Variants in CCDC102B observed in about 807,000 individuals in gnomAD.
The protein encoded by CCDC102B is coiled-coil domain-containing protein 102B.
Under a neutral mutation model 57.4 loss-of-function variants are expected in CCDC102B, and 75 were observed. The observed-to-expected ratio is 1.31, with a 90% CI of 1.08 to 1.58. CCDC102B has a LOEUF of 1.58. CCDC102B is among the 40% of genes most tolerant of loss of function. The pLI, the probability that CCDC102B is intolerant of heterozygous loss-of-function variation, is 0.00. For synonymous variants in CCDC102B, 206 were observed against 201.9 expected (o/e 1.02, Z -0.17); for missense variants, 636 against 582.6 (o/e 1.09, Z -0.94).
At chr18:68,766,931 T>C (rs1212080085) in intron 2 of CCDC102B, among the ~76,000 whole-genome samples, 1 of 152,210 alleles carries the variant, frequency 6.6e-6, no homozygotes, top group Non-Finnish European at 1.5e-5. Flanking sequence ...ATAACACTGA[T>C]TGAAGAGGCA....
At chr18:69,050,692 A>G (rs1172544815) in intron 7 of CCDC102B, among the ~76,000 whole-genome samples, 5 of 152,190 alleles carry the variant, frequency 3.3e-5, no homozygotes, top group Admixed American at 3.3e-4. Flanking sequence ...CTCTGTGGAT[A>G]TGAAACTTGC....
At position 68,921,926 on chromosome 18, in the gene CCDC102B, A is replaced by G. The variant is rs898860719; in HGVS notation, c.1263+24498A>G. On this transcript the variant is annotated intron_variant, in intron 6 of 7. Transcript: ENST00000360242. The stretch of plus-strand genomic sequence containing the variant: ...ATAATTTGTTACAGCAACAACTAAC[A>G]CAACACCACTACTCTTGGGACTTGG... 3.3e-5 allele frequency among the ~76,000 whole-genome samples: 5 copies of G among 152,326 alleles called. No individual in the cohort carries two copies. In the East Asian group the frequency reaches 9.7e-4, roughly 29 times the overall value.
At chr18:68,843,850 A>G (rs1436172379) in intron 3 of CCDC102B, among the ~76,000 whole-genome samples, 4 of 152,026 alleles carry the variant, frequency 2.6e-5, no homozygotes, top group Non-Finnish European at 5.9e-5. Context: ...AACACAGAAT[A>G]AAATGATTAG....
chr18:68,918,999 A>C (rs986464129), intron 6 of CCDC102B, among the ~76,000 whole-genome samples: 1 of 149,746 alleles, frequency 6.7e-6, no homozygotes, highest in African/African-American at 2.4e-5. Flanking sequence ...ACATTATCAC[A>C]TCTATGTGCA....
At chr18:68,819,025 C>T (rs549434531) in intron 1 of CCDC102B, among the ~76,000 whole-genome samples, 1 of 152,026 alleles carries the variant, frequency 6.6e-6, no homozygotes, top group Non-Finnish European at 1.5e-5. Context: ...GATATATGCA[C>T]GCTTAATGCA....
Position 69,010,924 on chromosome 18 carries a change from C to A in CCDC102B, c.1264-10C>A. ...CTATAAATAATGTAATTTTTGTTTTCCTTTGAAAGGAATTACTGAACCTTC... is the reference window on the plus strand; with the variant it reads ...CTATAAATAATGTAATTTTTGTTTTACTTTGAAAGGAATTACTGAACCTTC... On this transcript the variant is annotated splice_polypyrimidine_tract_variant and intron_variant, in intron 6 of 7. Coordinates refer to ENST00000360242, the MANE Select transcript of CCDC102B (RefSeq NM_024781.3). 1 of 1,556,840 alleles carries A rather than the reference C, an allele frequency of 6.4e-7. No individual in the cohort carries two copies. Among genetic ancestry groups the A allele is most frequent in the Non-Finnish European group, 8.7e-7 (1 of 1,150,574 alleles).
At chr18:69,017,682 C>G (rs1247202798) in intron 7 of CCDC102B, among the ~76,000 whole-genome samples, 1 of 152,098 alleles carries the variant, frequency 6.6e-6, no homozygotes, top group African/African-American at 2.4e-5. Context: ...CTACTCTAAG[C>G]AAATTTATGG....
intron 6 of CCDC102B, among the ~76,000 whole-genome samples, chr18:68,913,937 C>G (rs1049167467): frequency 1.6e-4 from 24 of 152,184 alleles, no homozygotes; most frequent in African/African-American, 5.5e-4. Context: ...GGTCCTATCT[C>G]TGCCAGATAG....
chr18:68,742,653 G>C (rs2033442188), intron 2 of CCDC102B, among the ~76,000 whole-genome samples: 1 of 152,192 alleles, frequency 6.6e-6, no homozygotes, highest in Non-Finnish European at 1.5e-5. Context: ...TGGTAGGGCT[G>C]AAAGAAATAA....
intron 1 of CCDC102B, among the ~76,000 whole-genome samples, chr18:68,815,007 G>GA (rs1242291232): frequency 2.0e-5 from 3 of 152,138 alleles, no homozygotes; most frequent in Non-Finnish European, 2.9e-5. Context: ...ACAGACTGCA[G>GA]ATTGTCTTGC....
intron 1 of CCDC102B, among the ~76,000 whole-genome samples, chr18:68,811,723 G>C (rs1440644389): frequency 2.0e-5 from 3 of 152,152 alleles, no homozygotes. Context: ...TGAAGAGATT[G>C]AAAGGAAGAA....
intron 1 of CCDC102B, among the ~76,000 whole-genome samples, chr18:68,804,758 T>A (rs1174506284): frequency 6.6e-6 from 1 of 152,196 alleles, no homozygotes; most frequent in Non-Finnish European, 1.5e-5. Context: ...TTGAAAATGA[T>A]ACTGCGACTT....
chr18:68,866,814 T>C, intron 4 of CCDC102B: 1 of 695,240 alleles, frequency 1.4e-6, no homozygotes, highest in South Asian at 1.4e-5. Context: ...TTGAGTCTTA[T>C]TTGAAACTTG....
At chr18:68,770,143 C>T (rs1051551148) in intron 2 of CCDC102B, among the ~76,000 whole-genome samples, 1 of 152,198 alleles carries the variant, frequency 6.6e-6, no homozygotes, top group African/African-American at 2.4e-5. Context: ...AGTGGCTCCT[C>T]TGCATACACC....
intron 6 of CCDC102B, among the ~76,000 whole-genome samples, chr18:68,943,900 G>A (rs2049458798): frequency 6.6e-6 from 1 of 152,146 alleles, no homozygotes; most frequent in African/African-American, 2.4e-5. Context: ...AATGGTTACA[G>A]AGAGATAAAC....
chr18:68,771,069 G>A (rs1336972417), intron 2 of CCDC102B, among the ~76,000 whole-genome samples: 1 of 152,234 alleles, frequency 6.6e-6, no homozygotes, highest in Non-Finnish European at 1.5e-5. Flanking sequence ...CAACTGAGAA[G>A]ATAGATTTGG....
At chr18:68,720,427 A>T (rs531037927) in intron 2 of CCDC102B, among the ~76,000 whole-genome samples, 1 of 152,246 alleles carries the variant, frequency 6.6e-6, no homozygotes, top group African/African-American at 2.4e-5. Context: ...ATTTTGCAGC[A>T]GTAATATACA....
chr18:68,851,891 A>G (rs1486892882), intron 4 of CCDC102B, among the ~76,000 whole-genome samples: 1 of 152,128 alleles, frequency 6.6e-6, no homozygotes, highest in Non-Finnish European at 1.5e-5. Context: ...AAATATCTTT[A>G]TTTTATATTT....
At chr18:68,829,897 C>T in intron 1 of CCDC102B, among the ~76,000 whole-genome samples, 1 of 151,836 alleles carries the variant, frequency 6.6e-6, no homozygotes, top group East Asian at 1.9e-4. Context: ...ATTATTTTAA[C>T]AAATAAATAG....
Sources: allele counts gnomAD v4.1 joint callset (sites outside exome capture counted in the v4.1 genomes callset), GRCh38; gene constraint gnomAD v4.1.1; transcripts MANE v1.5; gene names NCBI Gene and HGNC (gene_info 2026-07-23, HGNC 2026-07-21).